Variants in NCAPG2 observed in about 807,000 individuals in gnomAD.
The protein encoded by NCAPG2 is condensin-2 complex subunit G2.
Under a neutral mutation model 141.1 loss-of-function variants are expected in NCAPG2, and 53 were observed. That is an observed-to-expected ratio of 0.38 (90% CI 0.30 to 0.47). The LOEUF is 0.47. Among genes scored for constraint, NCAPG2 ranks in the 20% least tolerant of loss-of-function variants. The pLI is 0.99. For synonymous variants in NCAPG2, 499 were observed against 490.7 expected, an observed-to-expected ratio of 1.02 and a Z score of -0.22; for missense variants, 1,087 against 1,389.0, an observed-to-expected ratio of 0.78 and a Z score of 3.46.
chr7:158,691,653 A>G (rs1331724235), intron 4 of NCAPG2, among the ~76,000 whole-genome samples: 3 of 152,238 alleles, frequency 2.0e-5, no homozygotes, highest in Non-Finnish European at 2.9e-5. Flanking sequence ...AAAATTTTAT[A>G]TATTTCATAA....
At chr7:158,639,579 A>G (rs907037442) in intron 27 of NCAPG2, among the ~76,000 whole-genome samples, 3 of 152,242 alleles carry the variant, frequency 2.0e-5, no homozygotes, top group Middle Eastern at 6.3e-3. Context: ...ATTGTAAATT[A>G]CCAAAATTTA....
chr7:158,692,524 C>T (rs1238021996), intron 4 of NCAPG2, among the ~76,000 whole-genome samples: 1 of 152,120 alleles, frequency 6.6e-6, no homozygotes. Flanking sequence ...GGTGGATCAC[C>T]TGAGGTCAGG....
At chr7:158,675,143 T>G (rs1833974464) in intron 12 of NCAPG2, among the ~76,000 whole-genome samples, 1 of 152,190 alleles carries the variant, frequency 6.6e-6, no homozygotes, top group South Asian at 2.1e-4. Context: ...ACTAAAAAAT[T>G]ACTTAAGTGA....
At chr7:158,685,515 A>G (rs1409571817) in intron 8 of NCAPG2, among the ~76,000 whole-genome samples, 1 of 152,218 alleles carries the variant, frequency 6.6e-6, no homozygotes, top group Non-Finnish European at 1.5e-5. Context: ...TTCCTCATAT[A>G]AAGTGGAGTA....
At chr7:158,679,673 T>G (rs1834323301) in intron 11 of NCAPG2, among the ~76,000 whole-genome samples, 1 of 152,112 alleles carries the variant, frequency 6.6e-6, no homozygotes, top group African/African-American at 2.4e-5. Flanking sequence ...ACACCACCTC[T>G]CCATTGGGGA....
At chr7:158,663,337 G>T (rs1187313510) in intron 15 of NCAPG2, among the ~76,000 whole-genome samples, 3 of 152,242 alleles carry the variant, frequency 2.0e-5, no homozygotes, top group African/African-American at 7.2e-5. Context: ...AGACGGAAGT[G>T]GCTCTCACTC....
intron 13 of NCAPG2, chr7:158,667,326 T>TCCGCTCCTTAG (rs1473354748): frequency 2.6e-5 from 2 of 76,248 alleles, no homozygotes; most frequent in Non-Finnish European, 3.0e-5. Context: ...ACTGTGTCCC[T>TCCGCTCCTTAG]CCGCTACTGT....
In NCAPG2 at chr7:158,683,417, GGTGT is replaced by G. The variant is rs149372082; in HGVS notation, c.838-35_838-32del. The G allele has an allele frequency of 2.6e-6, 4 of 1,531,580 alleles. No homozygotes were observed. The South Asian group carries it at 4.7e-5, about 18-fold the overall frequency. 94.9% of individuals were successfully genotyped at this position (1,531,580 alleles called of 1,614,324 possible). ...ATAACAAATGCAATGCAAAGCACTT[GGTGT>G]GTGTGTGTCCTACTGACGACCTGAC... On this transcript the variant is annotated intron_variant, in intron 8 of 27. Transcript: ENST00000356309.
intron 2 of NCAPG2, among the ~76,000 whole-genome samples, chr7:158,701,154 C>T (rs891957081): frequency 3.9e-5 from 6 of 152,204 alleles, no homozygotes; most frequent in Non-Finnish European, 8.8e-5. Context: ...GGGCCCTTCC[C>T]CACCATATCC....
chr7:158,650,914 T>C lies in NCAPG2; in HGVS notation c.2993A>G (p.His998Arg). 6.2e-7 allele frequency: 1 copy of C among 1,613,838 alleles called. No individual in the cohort carries two copies. The highest frequency in any genetic ancestry group is 8.5e-7 in the Non-Finnish European group (1 of 1,179,874). The part of the protein sequence containing the change: ...HEFITAVQSR[H>R]TDTPVHRGVL... The stretch of plus-strand genomic sequence containing the variant: ...ACCCCGGTGCACAGGGGTGTCTGTG[T>C]GCCGAGACTGAACAGCAGTAATGAA... Residue 998 changes from histidine to arginine, a missense_variant, in exon 24 of 28, where the codon CAC becomes CGC. Physicochemically the swap from His to Arg is conservative, Grantham distance 29. Coordinates refer to ENST00000356309, the MANE Select transcript of NCAPG2 (RefSeq NM_017760.7).
chr7:158,653,654 G>C (rs1037403609), intron 22 of NCAPG2, among the ~76,000 whole-genome samples: 2 of 152,200 alleles, frequency 1.3e-5, no homozygotes, highest in Non-Finnish European at 2.9e-5. Context: ...CTATGGGAAA[G>C]AGACTACAGA....
At chr7:158,690,113 C>A (rs1780431394) in intron 5 of NCAPG2, among the ~76,000 whole-genome samples, 160 bp from the exon 6 acceptor site, 1 of 151,996 alleles carries the variant, frequency 6.6e-6, no homozygotes. Flanking sequence ...TTTGCAAATG[C>A]CCCCTATAGC....
Position 158,667,329 on chromosome 7 carries a change from G to GCCCTCCCTTACCCA in NCAPG2, c.1480-2580_1480-2579insTGGGTAAGGGAGGG, listed in dbSNP as rs1263927263. The GCCCTCCCTTACCCA allele has an allele frequency of 6.2e-5, 12 of 194,402 alleles. 3 individuals carry two copies. The highest frequency in any genetic ancestry group is 5.2e-4 in the South Asian group (2 of 3,878). 12.0% of individuals were successfully genotyped at this position (194,402 alleles called of 1,614,324 possible). ...CCCTTAGCCGCTACTGTGTCCCTCC[G>GCCCTCCCTTACCCA]CTACTGTGTCCCTCCGCTCCTTAGC... On this transcript the variant is annotated intron_variant, in intron 13 of 27. Transcript: ENST00000356309.
chr7:158,693,224 T>C, intron 3 of NCAPG2, 85 bp downstream of exon 3: 1 of 1,382,280 alleles, frequency 7.2e-7, no homozygotes, highest in Non-Finnish European at 1.0e-6. Flanking sequence ...TCTGTCTTAA[T>C]GTAAAATTCA....
intron 12 of NCAPG2, among the ~76,000 whole-genome samples, chr7:158,672,074 AAC>A (rs1453783579): frequency 6.6e-6 from 1 of 151,846 alleles, no homozygotes; most frequent in African/African-American, 2.4e-5. Context: ...GATTGGAGGG[AAC>A]AGAGCCAGCG....
At chr7:158,703,891 G>C (rs543168378) in intron 1 of NCAPG2, among the ~76,000 whole-genome samples, 2 of 152,336 alleles carry the variant, frequency 1.3e-5, no homozygotes, top group South Asian at 4.1e-4. Context: ...ACTCTCTGAG[G>C]GCAGTGCCTA....
chr7:158,692,702 T>C (rs1232783651), intron 4 of NCAPG2, 140 bp downstream of exon 4: 3 of 661,480 alleles, frequency 4.5e-6, no homozygotes, highest in East Asian at 6.2e-5. Context: ...GATCGCGCCA[T>C]TGCACTCCTG....
At chr7:158,696,598 A>C (rs145606848) in intron 2 of NCAPG2, 1 of 152,270 alleles carries the variant, frequency 6.6e-6, no homozygotes, top group Non-Finnish European at 1.5e-5. Context: ...AAATGTGGCA[A>C]GTGGTAAAAA....
chr7:158,667,228 T>G, intron 13 of NCAPG2: 1 of 985,576 alleles, frequency 1.0e-6, no homozygotes, highest in Non-Finnish European at 1.2e-6. Context: ...TCCTCTGCTC[T>G]GGCGCCCAAA....
Sources: allele counts gnomAD v4.1 joint callset (sites outside exome capture counted in the v4.1 genomes callset), GRCh38; gene constraint gnomAD v4.1.1; transcripts MANE v1.5; gene names NCBI Gene and HGNC (gene_info 2026-07-23, HGNC 2026-07-21).